CEMIP2: variants seen among roughly 807,000 people sequenced by gnomAD.
CEMIP2 encodes cell migration inducing hyaluronidase 2.
In CEMIP2, 79 loss-of-function variants were observed where a neutral mutation model predicts 146.9. The ratio of observed to expected loss-of-function variants is 0.54; its 90% CI spans 0.45 to 0.65. The LOEUF (loss-of-function observed/expected upper bound fraction) is 0.65. CEMIP2 is among the 30% of genes least tolerant of loss of function. The probability of loss-of-function intolerance (pLI) is 0.00; values close to 1 mark genes in which losing one functional copy is unlikely to be tolerated. For missense variants in CEMIP2, 1,596 were observed against 1,696.2 expected (o/e 0.94, Z 1.04); for synonymous variants, 601 against 606.3 (o/e 0.99, Z 0.13).
intron 5 of CEMIP2, 103 bp downstream of exon 5, chr9:71,739,959 TA>T: frequency 9.0e-7 from 1 of 1,107,808 alleles, no homozygotes; most frequent in Non-Finnish European, 1.3e-6. Flanking sequence ...TTGAGAAATC[TA>T]ACCAGGCGGA....
intron 16 of CEMIP2, among the ~76,000 whole-genome samples, chr9:71,710,655 C>T (rs1822879720): frequency 1.3e-5 from 2 of 152,218 alleles, no homozygotes; most frequent in African/African-American, 4.8e-5. Flanking sequence ...AACTGCTTTT[C>T]AGTATGCCTA....
chr9:71,690,282 A>AT (rs1822191264), intron 21 of CEMIP2, 36 bp from the exon 22 acceptor site: 1 of 1,602,330 alleles, frequency 6.2e-7, no homozygotes, highest in Non-Finnish European at 8.5e-7. Context: ...TGTCATCATC[A>AT]TTTTGAGAAC....
chr9:71,688,691 T>TGTA (rs1163797664), intron 22 of CEMIP2, among the ~76,000 whole-genome samples: 1 of 152,060 alleles, frequency 6.6e-6, no homozygotes, highest in African/African-American at 2.4e-5. Flanking sequence ...CCTGGCCTAC[T>TGTA]GTAGTCTTTC....
chr9:71,735,888 T>C (rs928028228), intron 5 of CEMIP2, among the ~76,000 whole-genome samples: 3 of 152,026 alleles, frequency 2.0e-5, no homozygotes, highest in Non-Finnish European at 2.9e-5. Flanking sequence ...AGCCCAGGAG[T>C]TCAAGACTAG....
At chr9:71,699,247 G>A (rs1822485377) in intron 19 of CEMIP2, 1 of 194,918 alleles carries the variant, frequency 5.1e-6, no homozygotes, top group African/African-American at 2.3e-5. Flanking sequence ...GAATCTGGAA[G>A]TTCTATCATC....
In CEMIP2 at chr9:71,716,131, T is replaced by C. The variant is rs117695807; in HGVS notation, c.2435+386A>G. Among the ~76,000 whole-genome samples, 868 of 152,256 alleles carry C rather than the reference T, an allele frequency of 5.7e-3. 4 individuals carry two copies. Among genetic ancestry groups the C allele is most frequent in the Non-Finnish European group, 0.01 (690 of 68,006 alleles). On this transcript the variant is annotated intron_variant, in intron 14 of 23. Transcript: ENST00000377044. ...AGAAAAACATACAGAACAAAAAGTT[T>C]AGTTCTTAAAGAACTAAACTTGCTA...
At chr9:71,693,268 C>G (rs544471547) in intron 21 of CEMIP2, among the ~76,000 whole-genome samples, 2 of 152,348 alleles carry the variant, frequency 1.3e-5, no homozygotes, top group African/African-American at 2.4e-5. Flanking sequence ...ACCTGAAAGG[C>G]TGGATACCTG....
intron 2 of CEMIP2, among the ~76,000 whole-genome samples, chr9:71,749,363 A>G (rs1824179051): frequency 6.6e-6 from 1 of 151,172 alleles, no homozygotes; most frequent in Non-Finnish European, 1.5e-5. Flanking sequence ...TTAGTCACTT[A>G]CTTAAACAAA....
chr9:71,737,253 G>A (rs1823789435), intron 5 of CEMIP2, among the ~76,000 whole-genome samples: 1 of 150,710 alleles, frequency 6.6e-6, no homozygotes, highest in African/African-American at 2.4e-5. Context: ...GGCAGTTCAA[G>A]ACCAGCCTGG....
At chr9:71,768,536 A>C (rs891729047), upstream of CEMIP2, 1 of 152,052 alleles carries the variant, frequency 6.6e-6, no homozygotes, top group African/African-American at 2.4e-5. Context: ...CTCTGCCTGG[A>C]GGTGAAATAC....
rs115027108 is a variant in CEMIP2 at position 71,747,859 on chromosome 9, T to C, written c.332-1518A>G. Among the ~76,000 whole-genome samples, 717 of 152,336 alleles carry C rather than the reference T, an allele frequency of 4.7e-3. 12 individuals carry two copies. The highest frequency in any genetic ancestry group is 0.016 in the African/African-American group (679 of 41,570). On this transcript the variant is annotated intron_variant, in intron 2 of 23. Transcript: ENST00000377044. ...CCTCACCAGTTATATCCTTGGCAAT[T>C]ATTTCATGGAATTAGTTTTTCTCAC...
In CEMIP2 at chr9:71,685,684, A is replaced by G. The variant is rs1296203533; in HGVS notation, c.3955+59T>C. 12 of 1,424,658 alleles carry G rather than the reference A, an allele frequency of 8.4e-6. No individual in the cohort carries two copies. The East Asian group carries it at 2.5e-4, about 30-fold the overall frequency. The allele number at this position is 1,424,658 out of a possible 1,614,324, so 88.3% of individuals were successfully genotyped here. On this transcript the variant is annotated intron_variant, in intron 23 of 23. Transcript: ENST00000377044. ...AATGGTCTGGTAGCTGAATTGCACC[A>G]TAAAATTACCTATGTTGCTGGCCCT...
rs768122541 is a variant in CEMIP2 at position 71,725,725 on chromosome 9, C to T, written c.2050-16G>A. 1.8e-5 allele frequency: 29 copies of T among 1,608,694 alleles called. No homozygotes were observed. The highest frequency in any genetic ancestry group is 2.5e-5 in the Non-Finnish European group (29 of 1,177,892). On this transcript the variant is annotated splice_polypyrimidine_tract_variant and intron_variant, in intron 10 of 23. Transcript: ENST00000377044. ...TTCCAGCATCCTACAAATGAAAGGA[C>T]AAGCCCATTAAAAGCCTAATTTATA...
Position 71,715,236 on chromosome 9 carries a change from G to GT in CEMIP2, c.2436-148_2436-147insA, listed in dbSNP as rs1564005667. On this transcript the variant is annotated intron_variant, in intron 14 of 23. Transcript: ENST00000377044. Reference sequence around the variant, plus strand: ...ACACATTCACAAGTCTTCAGAAACTGCTTTTTTTTTTTTTTTTTTTTTTTG... The same window carrying GT: ...ACACATTCACAAGTCTTCAGAAACTGTCTTTTTTTTTTTTTTTTTTTTTTTG... 2.1e-5 allele frequency: 8 copies of GT among 379,168 alleles called. 1 individual carries two copies. The highest frequency in any genetic ancestry group is 1.3e-4 in the South Asian group (3 of 23,852). 23.5% of individuals were successfully genotyped at this position (379,168 alleles called of 1,614,324 possible).
At chr9:71,692,549 T>C (rs1246492752) in intron 21 of CEMIP2, among the ~76,000 whole-genome samples, 1 of 151,880 alleles carries the variant, frequency 6.6e-6, no homozygotes, top group Non-Finnish European at 1.5e-5. Context: ...GCCAATAAAA[T>C]TACATCACGG....
At position 71,693,613 on chromosome 9, in the gene CEMIP2, GA is replaced by G. The variant is rs894147194; in HGVS notation, c.3696+895del. Among the ~76,000 whole-genome samples the G allele has an allele frequency of 2.0e-4, 30 of 152,152 alleles. 1 individual carries two copies. Among genetic ancestry groups the G allele is most frequent in the South Asian group, 2.1e-4 (1 of 4,824 alleles). ...TAATGAATAAACACAATCTACTCAG[GA>G]AAAAAACATTTCTTAAATGTATTTA... On this transcript the variant is annotated intron_variant, in intron 21 of 23. Transcript: ENST00000377044.
intron 14 of CEMIP2, among the ~76,000 whole-genome samples, chr9:71,716,269 GTT>G (rs1308851946): frequency 1.3e-5 from 2 of 151,536 alleles, no homozygotes; most frequent in African/African-American, 4.9e-5. Flanking sequence ...AATCGCAAGT[GTT>G]TTCTTCTAAG....
intron 15 of CEMIP2, among the ~76,000 whole-genome samples, chr9:71,713,922 G>T (rs1024098156): frequency 6.6e-6 from 1 of 152,202 alleles, no homozygotes; most frequent in Non-Finnish European, 1.5e-5. Context: ...AAAAATCCAT[G>T]AAGTTCTTTT....
intron 1 of CEMIP2, among the ~76,000 whole-genome samples, chr9:71,764,492 T>C (rs1478614429): frequency 6.6e-6 from 1 of 152,158 alleles, no homozygotes; most frequent in Non-Finnish European, 1.5e-5. Context: ...TAATTTACTA[T>C]ATGACCTTAC....
Sources: allele counts gnomAD v4.1 joint callset (sites outside exome capture counted in the v4.1 genomes callset), GRCh38; gene constraint gnomAD v4.1.1; transcripts MANE v1.5; gene names NCBI Gene and HGNC (gene_info 2026-07-23, HGNC 2026-07-21).